DNAH5: variants seen among roughly 807,000 people sequenced by gnomAD.
DNAH5 encodes axonemal beta dynein heavy chain 5.
A neutral mutation model predicts 518.2 loss-of-function variants in DNAH5; 372 were observed. That is an observed-to-expected ratio of 0.72 (90% CI 0.66 to 0.78). The LOEUF (loss-of-function observed/expected upper bound fraction) is 0.78, where lower values mean the gene tolerates loss of function less well. Among genes scored for constraint, DNAH5 ranks in the 30% least tolerant of loss-of-function variants. DNAH5 has a pLI of 0.00. For synonymous variants in DNAH5, 2,039 were observed against 2,025.9 expected (o/e 1.01, Z -0.17); for missense variants, 5,523 against 5,687.0 (o/e 0.97, Z 0.93).
chr5:13,933,654 G>A (rs1363227929), intron 1 of DNAH5, among the ~76,000 whole-genome samples: 2 of 152,094 alleles, frequency 1.3e-5, no homozygotes, highest in Admixed American at 1.3e-4. Flanking sequence ...GCCAGGCATG[G>A]TGGCATGTGC....
At chr5:13,888,588 G>T (rs1380140218) in intron 17 of DNAH5, among the ~76,000 whole-genome samples, 3 of 152,100 alleles carry the variant, frequency 2.0e-5, no homozygotes, top group Admixed American at 2.0e-4. Flanking sequence ...ACCTATATTG[G>T]TAATCAAAAA....
At chr5:13,947,128 A>G (rs1209883931), upstream of DNAH5, among the ~76,000 whole-genome samples, 2 of 152,264 alleles carry the variant, frequency 1.3e-5, no homozygotes, top group Non-Finnish European at 2.9e-5. Context: ...AAATATATAA[A>G]TAAATGTATA....
intron 1 of DNAH5, among the ~76,000 whole-genome samples, chr5:13,953,975 T>C (rs1265289446): frequency 6.6e-6 from 1 of 152,212 alleles, no homozygotes; most frequent in East Asian, 1.9e-4. Flanking sequence ...CCCAAAGTGC[T>C]GGGATTACAG....
chr5:13,923,860 G>C (rs866838072), intron 3 of DNAH5, among the ~76,000 whole-genome samples: 1 of 151,864 alleles, frequency 6.6e-6, no homozygotes, highest in African/African-American at 2.4e-5. Context: ...CCTGGTCAAC[G>C]TGATGAAACC....
chr5:13,792,093 A>G lies in DNAH5; in HGVS notation c.8349T>C (p.Pro2783=). ...ACACATAATGGAATTTTGCAGGGGT[A>G]GGAAGCATTTTAATCTTGGTCATCT... ...LWQMTKIKML[P]TPAKFHYVFN... is the part of the protein sequence containing the mutation. The change falls in exon 50 of 79, where the codon CCT becomes CCC. Residue 2783 remains proline (P), a synonymous_variant. Transcript: ENST00000265104. 2 of 1,614,076 alleles carry G rather than the reference A, an allele frequency of 1.2e-6. No homozygotes were observed. The highest frequency in any genetic ancestry group is 1.7e-6 in the Non-Finnish European group (2 of 1,179,972).
intron 53 of DNAH5, among the ~76,000 whole-genome samples, chr5:13,779,539 G>C (rs1754777673): frequency 6.6e-6 from 1 of 152,128 alleles, no homozygotes; most frequent in African/African-American, 2.4e-5. Flanking sequence ...ATGATTTTCA[G>C]CCCAACCTAA....
intron 58 of DNAH5, 65 bp from the exon 59 acceptor site, chr5:13,766,244 T>C: frequency 2.6e-6 from 4 of 1,553,962 alleles, no homozygotes; most frequent in Non-Finnish European, 3.6e-6. Context: ...AAACCTTGCA[T>C]GTCCAAATGC....
chr5:13,983,449 T>C (rs1782824892), intron 1 of DNAH5, among the ~76,000 whole-genome samples: 1 of 152,170 alleles, frequency 6.6e-6, no homozygotes, highest in African/African-American at 2.4e-5. Context: ...ATATTTACTG[T>C]ACAAAAATTA....
At position 13,990,971 on chromosome 5, in the gene DNAH5, C is replaced by T. The variant is rs565435044; in HGVS notation, c.12+20677G>A. 1.0e-3 allele frequency among the ~76,000 whole-genome samples: 158 copies of T among 152,202 alleles called. 1 individual carries two copies. The highest frequency in any genetic ancestry group is 3.4e-3 in the Middle Eastern group (1 of 294). ...CAGAGCCAGAAACATGCAAATAACA[C>T]CTTTTAAATAAGAGGCAGTTTGAGT... On this transcript the variant is annotated intron_variant, in intron 1 of 78. Transcript: ENST00000681290.
chr5:13,984,206 A>G (rs974165547), intron 1 of DNAH5, among the ~76,000 whole-genome samples: 1 of 152,230 alleles, frequency 6.6e-6, no homozygotes, highest in African/African-American at 2.4e-5. Flanking sequence ...TGCTCAAAAA[A>G]GCAAAGATTT....
At position 13,884,988 on chromosome 5, in the gene DNAH5, C is replaced by A; in HGVS notation, c.2983+1G>T. ...CTAAGCAAACCACACAAGATTATTA[C>A]CCCGGAAGTTAATTGTGTGAGAGGA... On this transcript the variant is annotated splice_donor_variant, in intron 19 of 78. Transcript: ENST00000265104. LOFTEE classifies it high-confidence loss of function. 6.2e-7 allele frequency: 1 copy of A among 1,614,172 alleles called. No individual in the cohort carries two copies.
chr5:13,777,538 ATAAT>A (rs1754293230), intron 53 of DNAH5, among the ~76,000 whole-genome samples, 183 bp from the exon 54 acceptor site: 1 of 152,222 alleles, frequency 6.6e-6, no homozygotes, highest in African/African-American at 2.4e-5. Context: ...ATAAAACATT[ATAAT>A]TAATTAATGT....
intron 3 of DNAH5, among the ~76,000 whole-genome samples, chr5:13,925,879 AG>A (rs1165069991): frequency 6.6e-6 from 1 of 152,188 alleles, no homozygotes; most frequent in African/African-American, 2.4e-5. Context: ...TGCCCAGGAC[AG>A]GGGGGTTTGC....
chr5:13,699,774 A>T (rs2076918714), intron 78 of DNAH5, among the ~76,000 whole-genome samples: 1 of 152,172 alleles, frequency 6.6e-6, no homozygotes, highest in African/African-American at 2.4e-5. Context: ...TACTTGTTAG[A>T]ATCTTTTGTG....
chr5:13,754,614 C>A (rs957491748), intron 61 of DNAH5, among the ~76,000 whole-genome samples: 1 of 152,112 alleles, frequency 6.6e-6, no homozygotes, highest in African/African-American at 2.4e-5. Flanking sequence ...CCTTAGCTCA[C>A]TGCAACCTCT....
chr5:13,713,945 A>C (rs1296476417), intron 75 of DNAH5, among the ~76,000 whole-genome samples: 2 of 152,242 alleles, frequency 1.3e-5, no homozygotes, highest in East Asian at 3.8e-4. Context: ...ATCAATTTTC[A>C]AAACTAATGA....
At chr5:13,724,599 T>A (rs576255805) in intron 70 of DNAH5, among the ~76,000 whole-genome samples, 2 of 152,284 alleles carry the variant, frequency 1.3e-5, no homozygotes, top group Admixed American at 1.3e-4. Flanking sequence ...GTTTGAATGT[T>A]TGCCCCCTTC....
At position 13,819,656 on chromosome 5, in the gene DNAH5, A is replaced by C. The variant is rs997709306; in HGVS notation, c.6841+690T>G. On this transcript the variant is annotated intron_variant, in intron 41 of 78. Transcript: ENST00000265104. ...TCTACAGGATGCCAATATTTTTAGA[A>C]AGAGAGTCATCCATGTCTGATCAGA... 2.0e-5 allele frequency among the ~76,000 whole-genome samples: 3 copies of C among 152,150 alleles called. No individual in the cohort carries two copies. In the South Asian group the frequency reaches 6.2e-4, roughly 32 times the overall value.
chr5:13,939,486 T>C (rs1401974941), intron 1 of DNAH5, among the ~76,000 whole-genome samples: 1 of 152,110 alleles, frequency 6.6e-6, no homozygotes, highest in Non-Finnish European at 1.5e-5. Context: ...CTCTAACTCA[T>C]TTACCCTTAG....
Sources: allele counts gnomAD v4.1 joint callset (sites outside exome capture counted in the v4.1 genomes callset), GRCh38; gene constraint gnomAD v4.1.1; transcripts MANE v1.5; gene names NCBI Gene and HGNC (gene_info 2026-07-23, HGNC 2026-07-21).